Variants in ME1 observed in about 807,000 individuals in gnomAD.
ME1 encodes malic enzyme 1.
In ME1, 74 loss-of-function variants were observed where a neutral mutation model predicts 66.4. The ratio of observed to expected loss-of-function variants is 1.11; its 90% CI spans 0.92 to 1.35. The LOEUF is 1.35. Ranked by LOEUF, ME1 falls within the 40% of genes most tolerant of loss-of-function variation. ME1 has a pLI of 0.00. For missense variants in ME1, 750 were observed against 694.1 expected (o/e 1.08, Z -0.90); for synonymous variants, 251 against 235.6 (o/e 1.07, Z -0.60).
chr6:83,404,025 T>C (rs1189405748), intron 2 of ME1, among the ~76,000 whole-genome samples: 1 of 152,192 alleles, frequency 6.6e-6, no homozygotes, highest in African/African-American at 2.4e-5. Context: ...TAACCAGTAA[T>C]GGTATTGTGG....
intron 13 of ME1, among the ~76,000 whole-genome samples, chr6:83,215,788 G>A (rs946314101): frequency 6.6e-6 from 1 of 152,106 alleles, no homozygotes; most frequent in African/African-American, 2.4e-5. Context: ...CAGAATTATG[G>A]GAAAATAGTT....
chr6:83,325,458 A>C (rs1170345), intron 5 of ME1, among the ~76,000 whole-genome samples: 27,935 of 152,190 alleles, frequency 0.18, 3,140 homozygotes, highest in Middle Eastern at 0.37. Flanking sequence ...TTGTATATTT[A>C]GAAAACCCCA....
chr6:83,347,528 A>T (rs1363818981), intron 4 of ME1, among the ~76,000 whole-genome samples: 6 of 152,178 alleles, frequency 3.9e-5, no homozygotes, highest in Admixed American at 3.3e-4. Context: ...AATTGGGAGT[A>T]ATAAAGGTAC....
intron 6 of ME1, among the ~76,000 whole-genome samples, chr6:83,299,749 GCT>G (rs1436102417): frequency 6.6e-6 from 1 of 152,080 alleles, no homozygotes; most frequent in African/African-American, 2.4e-5. Flanking sequence ...GTCATAAATG[GCT>G]CTTATTATTT....
intron 12 of ME1, among the ~76,000 whole-genome samples, chr6:83,218,540 T>C (rs1030219112): frequency 4.9e-4 from 74 of 152,098 alleles, no homozygotes; most frequent in African/African-American, 1.7e-3. Flanking sequence ...TATGGGTACA[T>C]GAGTTTCCAA....
At chr6:83,359,590 T>C (rs1478773920) in intron 3 of ME1, among the ~76,000 whole-genome samples, 1 of 152,180 alleles carries the variant, frequency 6.6e-6, no homozygotes, top group Non-Finnish European at 1.5e-5. Context: ...GATTAAAAGA[T>C]TGCCCACTGT....
At chr6:83,305,830 T>C (rs1767814589) in intron 6 of ME1, among the ~76,000 whole-genome samples, 1 of 152,176 alleles carries the variant, frequency 6.6e-6, no homozygotes, top group South Asian at 2.1e-4. Context: ...ATTTTCTAAG[T>C]TTGCCTCTTT....
chr6:83,230,945 T>G (rs776123302), intron 9 of ME1, among the ~76,000 whole-genome samples: 18 of 151,426 alleles, frequency 1.2e-4, no homozygotes, highest in African/African-American at 3.6e-4. Flanking sequence ...AAATAAAAAA[T>G]AAAAAAAAGA....
At chr6:83,252,256 T>C (rs1160860450) in intron 7 of ME1, among the ~76,000 whole-genome samples, 1 of 151,280 alleles carries the variant, frequency 6.6e-6, no homozygotes, top group Non-Finnish European at 1.5e-5. Flanking sequence ...GCAGGAGTTC[T>C]GTTGTTGTTG....
intron 6 of ME1, among the ~76,000 whole-genome samples, chr6:83,256,890 A>G (rs1766782905): frequency 6.6e-6 from 1 of 152,172 alleles, no homozygotes; most frequent in Non-Finnish European, 1.5e-5. Flanking sequence ...TGTCCTTTGC[A>G]AGGACATGGA....
chr6:83,425,594 G>A (rs1258175206), intron 1 of ME1, among the ~76,000 whole-genome samples: 1 of 152,052 alleles, frequency 6.6e-6, no homozygotes, highest in Non-Finnish European at 1.5e-5. Flanking sequence ...GCAGCATGGG[G>A]GTAACCACCC....
chr6:83,370,414 T>C (rs1339431955), intron 3 of ME1, among the ~76,000 whole-genome samples: 2 of 152,178 alleles, frequency 1.3e-5, no homozygotes, highest in Non-Finnish European at 2.9e-5. Flanking sequence ...CCATATTTAA[T>C]GGGACAGATG....
chr6:83,283,443 G>T (rs1296762193), intron 6 of ME1, among the ~76,000 whole-genome samples: 1 of 151,766 alleles, frequency 6.6e-6, no homozygotes, highest in East Asian at 1.9e-4. Flanking sequence ...AAAGGAGAGG[G>T]AGAGCATTAG....
intron 7 of ME1, among the ~76,000 whole-genome samples, chr6:83,249,417 G>C (rs1461861751): frequency 2.0e-5 from 3 of 151,880 alleles, no homozygotes; most frequent in African/African-American, 7.3e-5. Flanking sequence ...AGTAGAGATG[G>C]GGCTTCACCA....
chr6:83,340,243 AGTTAT>A (rs958281318), intron 5 of ME1, among the ~76,000 whole-genome samples: 131 of 152,282 alleles, frequency 8.6e-4, no homozygotes, highest in African/African-American at 3.1e-3. Flanking sequence ...TTTTCCTGTC[AGTTAT>A]ATCTCCTTTG....
chr6:83,323,602 TA>T (rs1489696197), intron 5 of ME1, among the ~76,000 whole-genome samples: 1 of 151,896 alleles, frequency 6.6e-6, no homozygotes, highest in Non-Finnish European at 1.5e-5. Context: ...GGCTATTACA[TA>T]ATGGTAAAGG....
At chr6:83,319,177 T>C (rs1331553924) in intron 5 of ME1, among the ~76,000 whole-genome samples, 1 of 142,280 alleles carries the variant, frequency 7.0e-6, no homozygotes, top group Non-Finnish European at 1.5e-5. Context: ...GGGGGAGGGA[T>C]AGCATTGGGA....
chr6:83,348,885 G>A (rs529930671), intron 4 of ME1, among the ~76,000 whole-genome samples: 1 of 149,848 alleles, frequency 6.7e-6, no homozygotes, highest in Admixed American at 6.7e-5. Context: ...TCGGGAGGCT[G>A]AGGCAGAAGA....
intron 11 of ME1, among the ~76,000 whole-genome samples, chr6:83,225,106 G>A (rs756308137): frequency 1.3e-5 from 2 of 150,852 alleles, no homozygotes; most frequent in African/African-American, 4.9e-5. Context: ...GGAAGCTGAG[G>A]CAGGAGAACT....
Sources: gnomAD v4.1 joint callset for allele counts (sites outside exome capture counted in the v4.1 genomes callset) on GRCh38, gnomAD v4.1.1 for gene constraint, MANE v1.5 for transcripts, NCBI Gene and HGNC (gene_info 2026-07-23, HGNC 2026-07-21) for gene names.